The following ANKRD28 variants were observed in gnomAD, a reference collection of about 807,000 sequenced individuals.
ANKRD28 encodes the protein ankyrin repeat domain 28.
Under a neutral mutation model 126.5 loss-of-function variants are expected in ANKRD28, and 44 were observed. The ratio of observed to expected loss-of-function variants is 0.35; its 90% CI spans 0.27 to 0.45. The LOEUF (loss-of-function observed/expected upper bound fraction) is 0.45. Among genes scored for constraint, ANKRD28 ranks in the 20% least tolerant of loss-of-function variants. ANKRD28 has a pLI of 1.00. For synonymous variants in ANKRD28, 442 were observed against 468.5 expected, an observed-to-expected ratio of 0.94 and a Z score of 0.73; for missense variants, 1,110 against 1,316.6, an observed-to-expected ratio of 0.84 and a Z score of 2.43.
At position 15,693,327 on chromosome 3, in the gene ANKRD28, CAGAGAG is replaced by C. The variant is rs59750718; in HGVS notation, c.1761+1406_1761+1411del. ...TGACAAAAAAATAGTAATGGGGGGG[CAGAGAG>C]AGAGAGAGAGAGAGAGACCGACCCA... On this transcript the variant is annotated intron_variant, in intron 17 of 27. Coordinates refer to ENST00000683139, the MANE Select transcript of ANKRD28 (RefSeq NM_001349278.2). Among the ~76,000 whole-genome samples, 8 of 148,424 alleles carry C rather than the reference CAGAGAG, an allele frequency of 5.4e-5. No individual in the cohort carries two copies. The South Asian group carries it at 6.5e-4, about 12-fold the overall frequency.
At chr3:15,675,816 AT>A (rs1559311485) in intron 27 of ANKRD28, 81 bp downstream of exon 27, 15 of 1,211,938 alleles carry the variant, frequency 1.2e-5, no homozygotes, top group Middle Eastern at 2.0e-4. Context: ...CCAATAAAAA[AT>A]ATCCAAGTTT....
intron 18 of ANKRD28, among the ~76,000 whole-genome samples, chr3:15,688,483 T>TG: frequency 6.6e-6 from 1 of 152,244 alleles, no homozygotes; most frequent in Non-Finnish European, 1.5e-5. Flanking sequence ...AGTAATGCAT[T>TG]TTAACCTCTT....
chr3:15,720,838 G>A (rs2124915154), intron 8 of ANKRD28, 77 bp downstream of exon 8: 1 of 1,253,084 alleles, frequency 8.0e-7, no homozygotes, highest in East Asian at 2.4e-5. Flanking sequence ...CCTTTTTATT[G>A]CTCAATGGTA....
chr3:15,716,069 G>C (rs991436104), intron 8 of ANKRD28, among the ~76,000 whole-genome samples: 2 of 149,042 alleles, frequency 1.3e-5, no homozygotes, highest in African/African-American at 2.5e-5. Context: ...AGCAACCTCC[G>C]CCTCCCGGGT....
intron 11 of ANKRD28, among the ~76,000 whole-genome samples, 156 bp downstream of exon 11, chr3:15,711,984 C>T (rs1200506938): frequency 6.6e-6 from 1 of 152,050 alleles, no homozygotes; most frequent in African/African-American, 2.4e-5. Context: ...GCATGAGCCA[C>T]CACGCCAGAC....
chr3:15,722,372 C>A (rs984058645), intron 7 of ANKRD28, among the ~76,000 whole-genome samples: 1 of 152,174 alleles, frequency 6.6e-6, no homozygotes, highest in South Asian at 2.1e-4. Flanking sequence ...CAGGGAAGAA[C>A]AGTAATGTGT....
chr3:15,807,278 T>C (rs1280773543), intron 1 of ANKRD28, among the ~76,000 whole-genome samples: 1 of 152,222 alleles, frequency 6.6e-6, no homozygotes, highest in Non-Finnish European at 1.5e-5. Context: ...TTTGATCACA[T>C]GTCCCTTCCC....
In ANKRD28 at chr3:15,695,224, A is replaced by T; in HGVS notation, c.1660-10T>A. 1 of 1,566,432 alleles carries T rather than the reference A, an allele frequency of 6.4e-7. No individual in the cohort carries two copies. ...GAGTTTCACTTGCAATCTGAAATAA[A>T]AGTCAAAACAAAAATATTTAGCTTG... is the stretch of plus-strand genomic sequence containing the variant. On this transcript the variant is annotated splice_polypyrimidine_tract_variant and intron_variant, in intron 15 of 27. Transcript: ENST00000683139.
At chr3:15,770,023 G>A (rs2058923032) in intron 2 of ANKRD28, among the ~76,000 whole-genome samples, 1 of 149,260 alleles carries the variant, frequency 6.7e-6, no homozygotes, top group African/African-American at 2.5e-5. Flanking sequence ...CATTGAAAAA[G>A]CCTTGGTCTA....
At chr3:15,693,224 A>G (rs1204769184) in intron 17 of ANKRD28, among the ~76,000 whole-genome samples, 2 of 152,196 alleles carry the variant, frequency 1.3e-5, no homozygotes, top group African/African-American at 4.8e-5. Context: ...CTGTACAATT[A>G]GAAATGGTTA....
intron 2 of ANKRD28, among the ~76,000 whole-genome samples, chr3:15,778,047 T>C (rs1257495461): frequency 2.0e-5 from 3 of 152,196 alleles, no homozygotes; most frequent in Admixed American, 6.5e-5. Context: ...CAATAAAAAA[T>C]GCGTATCATA....
At chr3:15,739,350 A>C (rs1315860655) in intron 4 of ANKRD28, among the ~76,000 whole-genome samples, 2 of 152,174 alleles carry the variant, frequency 1.3e-5, no homozygotes, top group East Asian at 1.9e-4. Flanking sequence ...GGAACTAATA[A>C]ATGTCCATGA....
chr3:15,711,125 G>C lies in ANKRD28; in HGVS notation c.1337+86C>G. ...TTGTTTTCTATTTTCTGGCAGCCCA[G>C]AATTAATAAAAAAGAACAAAGATAA... On this transcript the variant is annotated intron_variant, in intron 12 of 27. Transcript: ENST00000683139. The C allele has an allele frequency of 6.7e-6, 8 of 1,186,082 alleles. No homozygotes were observed. In the South Asian group the frequency reaches 1.0e-4, roughly 16 times the overall value. 73.5% of individuals were successfully genotyped at this position (1,186,082 alleles called of 1,614,324 possible). A position where few individuals can be genotyped will look rare whatever the true frequency, so the allele number is the denominator to read the frequency against.
intron 18 of ANKRD28, among the ~76,000 whole-genome samples, chr3:15,687,333 A>T (rs563668029): frequency 7.1e-6 from 1 of 141,406 alleles, no homozygotes; most frequent in African/African-American, 2.9e-5. Flanking sequence ...ATTTCAAATG[A>T]TATATATATA....
At chr3:15,758,150 T>C (rs1207208290) in intron 3 of ANKRD28, among the ~76,000 whole-genome samples, 1 of 152,238 alleles carries the variant, frequency 6.6e-6, no homozygotes, top group East Asian at 1.9e-4. Context: ...AACTTCTATT[T>C]GCAGAGAATT....
At chr3:15,753,343 T>C (rs2057972035) in intron 3 of ANKRD28, among the ~76,000 whole-genome samples, 1 of 152,230 alleles carries the variant, frequency 6.6e-6, no homozygotes, top group Non-Finnish European at 1.5e-5. Context: ...ACATTTGAAA[T>C]GTTTGCCAGC....
At chr3:15,784,031 C>A (rs1236165893) in intron 2 of ANKRD28, among the ~76,000 whole-genome samples, 2 of 151,686 alleles carry the variant, frequency 1.3e-5, no homozygotes, top group Non-Finnish European at 1.5e-5. Flanking sequence ...ATATTTAAAG[C>A]ATTGACAGAA....
chr3:15,718,029 T>G (rs2073273948), intron 8 of ANKRD28, among the ~76,000 whole-genome samples: 1 of 152,138 alleles, frequency 6.6e-6, no homozygotes, highest in Non-Finnish European at 1.5e-5. Flanking sequence ...ATTTTTATAA[T>G]AAAGGGCAAG....
intron 2 of ANKRD28, among the ~76,000 whole-genome samples, chr3:15,776,152 T>C (rs1207788148): frequency 6.6e-6 from 1 of 152,232 alleles, no homozygotes; most frequent in African/African-American, 2.4e-5. Context: ...CACTACATAC[T>C]TCAAAAACCA....
Sources: gnomAD v4.1 joint callset for allele counts (sites outside exome capture counted in the v4.1 genomes callset) on GRCh38, gnomAD v4.1.1 for gene constraint, MANE v1.5 for transcripts, NCBI Gene and HGNC (gene_info 2026-07-23, HGNC 2026-07-21) for gene names.